The following KLHL31 variants were observed in gnomAD, a reference collection of about 807,000 sequenced individuals.
KLHL31 encodes kelch-like protein 31.
A neutral mutation model predicts 47.1 loss-of-function variants in KLHL31; 32 were observed. That is an observed-to-expected ratio of 0.68 (90% CI 0.51 to 0.91). The LOEUF is 0.91. Ranked by LOEUF, KLHL31 falls within the 40% of genes least tolerant of loss-of-function variation. KLHL31 has a pLI of 0.00. For missense variants in KLHL31, 797 were observed against 819.3 expected (o/e 0.97, Z 0.33); for synonymous variants, 330 against 325.1 (o/e 1.01, Z -0.16).
At chr6:53,653,337 T>C (rs1547657) in intron 2 of KLHL31, among the ~76,000 whole-genome samples, 1 of 152,182 alleles carries the variant, frequency 6.6e-6, no homozygotes, top group Non-Finnish European at 1.5e-5. Context: ...AATAATAAAG[T>C]ATATTTTTCA....
chr6:53,661,914 G>T (rs535663281), intron 1 of KLHL31, among the ~76,000 whole-genome samples: 5 of 152,208 alleles, frequency 3.3e-5, no homozygotes, highest in African/African-American at 1.2e-4. Context: ...CATTCTTTTT[G>T]ATTCAATTGA....
At chr6:53,655,593 TC>T (rs1370314998) in intron 1 of KLHL31, among the ~76,000 whole-genome samples, 1 of 133,040 alleles carries the variant, frequency 7.5e-6, no homozygotes, top group Non-Finnish European at 1.5e-5. Flanking sequence ...TTTCTTTCTT[TC>T]TTTTTTCTTT....
In KLHL31 at chr6:53,650,554, T is replaced by A. The variant is rs1400676089; in HGVS notation, c.*1044A>T. 1 of 152,190 alleles carries A rather than the reference T, an allele frequency of 6.6e-6. No homozygotes were observed. The highest frequency in any genetic ancestry group is 1.5e-5 in the Non-Finnish European group (1 of 68,026). The allele number at this position is 152,190 out of a possible 1,614,324, so 9.4% of individuals were successfully genotyped here. On this transcript the variant is annotated 3_prime_UTR_variant, in exon 3 of 3. Transcript: ENST00000370905. ...TACTACCAAATCTACAAATTCCAAA[T>A]GTTTCTATCATTCTTATCATATAAA...
chr6:53,663,206 GT>G (rs1401782868), intron 1 of KLHL31, among the ~76,000 whole-genome samples: 2 of 152,158 alleles, frequency 1.3e-5, no homozygotes, highest in Non-Finnish European at 2.9e-5. Context: ...GGTAAAAACT[GT>G]AGTAGGTTAA....
At chr6:53,659,009 C>G (rs1764610813) in intron 1 of KLHL31, among the ~76,000 whole-genome samples, 1 of 152,134 alleles carries the variant, frequency 6.6e-6, no homozygotes. Flanking sequence ...TAATGAGGAG[C>G]CTGTAACAGC....
rs1298198520 is a variant in KLHL31, at chr6:53,654,393, A to G, written c.880T>C (p.Tyr294His). The G allele has an allele frequency of 6.2e-7, 1 of 1,614,254 alleles. No individual in the cohort carries two copies. The highest frequency in any genetic ancestry group is 1.7e-5 in the Admixed American group (1 of 60,032). The change falls in exon 2 of 3, where the codon TAC becomes CAC. Residue 294 changes from tyrosine (Y) to histidine (H), a missense_variant. Transcript: ENST00000370905. ...TTTTGATGATATGGAAGCAAGTGGT[A>G]GTTCATAGCATCTACGAGAAGTCTG... is the stretch of plus-strand genomic sequence containing the variant. ...CHRLLVDAMN[Y>H]HLLPYHQNTL...
In KLHL31 at chr6:53,651,991, GC is replaced by G; in HGVS notation, c.1511del (p.Gly504AlafsTer8). 1 of 1,592,208 alleles carries G rather than the reference GC, an allele frequency of 6.3e-7. No homozygotes were observed. On this transcript the variant is annotated frameshift_variant, in exon 3 of 3. Coordinates refer to ENST00000370905, the MANE Select transcript of KLHL31 (RefSeq NM_001003760.5). LOFTEE classifies it high-confidence loss of function. ...QELPNLSTPR[G>X]WHCAVTLSDR... ...CGCTCAGCGTGACCGCGCAGTGCCA[GC>G]CCCGGGGTGTGCTGAGGTTCGGCAG...
chr6:53,658,716 G>T (rs1489032797), intron 1 of KLHL31, among the ~76,000 whole-genome samples: 2 of 152,080 alleles, frequency 1.3e-5, no homozygotes, highest in Non-Finnish European at 2.9e-5. Context: ...AATTAAATTA[G>T]AAATTAATAA....
In KLHL31 at chr6:53,655,290, T is replaced by A. The variant is rs2038939; in HGVS notation, c.-18A>T. ...GGTGCCATGTTGGCAAATACACTGT[T>A]ACAGGCAAGAGCTTGCTAAAAAGAG... On this transcript the variant is annotated 5_prime_UTR_variant, in exon 2 of 3. Coordinates refer to ENST00000370905, the MANE Select transcript of KLHL31 (RefSeq NM_001003760.5). 2.0e-6 allele frequency: 3 copies of A among 1,503,810 alleles called. No individual in the cohort carries two copies. Among genetic ancestry groups the A allele is most frequent in the Non-Finnish European group, 2.7e-6 (3 of 1,124,186 alleles). 93.2% of individuals were successfully genotyped at this position (1,503,810 alleles called of 1,614,324 possible). A position where few individuals can be genotyped will look rare whatever the true frequency, so the allele number is the denominator to read the frequency against.
At chr6:53,653,263 A>G (rs1008185331) in intron 2 of KLHL31, among the ~76,000 whole-genome samples, 5 of 152,228 alleles carry the variant, frequency 3.3e-5, no homozygotes, top group African/African-American at 1.2e-4. Context: ...ACTCAACTAT[A>G]GTTACAAATT....
At chr6:53,663,865 T>C (rs1482781499) in intron 1 of KLHL31, among the ~76,000 whole-genome samples, 1 of 152,200 alleles carries the variant, frequency 6.6e-6, no homozygotes, top group Non-Finnish European at 1.5e-5. Context: ...TTCATTCTGC[T>C]CTAACCACTT....
intron 1 of KLHL31, among the ~76,000 whole-genome samples, chr6:53,661,204 G>A (rs562712603): frequency 6.6e-6 from 1 of 152,192 alleles, no homozygotes; most frequent in Non-Finnish European, 1.5e-5. Context: ...GAGAACCGTA[G>A]TCTAGTAAGA....
At chr6:53,661,448 T>G (rs2478346) in intron 1 of KLHL31, among the ~76,000 whole-genome samples, 147,862 of 152,166 alleles carry the variant, frequency 0.97, 71,974 homozygotes, top group Middle Eastern at 1. Flanking sequence ...TGACCAACCA[T>G]GAGTTTTCCA....
In KLHL31 at chr6:53,651,920, TC is replaced by T; in HGVS notation, c.1582del (p.Glu528SerfsTer28). 1 of 1,589,444 alleles carries T rather than the reference TC, an allele frequency of 6.3e-7. No homozygotes were observed. Among genetic ancestry groups the T allele is most frequent in the South Asian group, 1.1e-5 (1 of 89,678 alleles). ...CTCCACGGTGAGCACGTCCACGCGC[TC>T]CCCGCGCGGCCCCAGCTGGCTGCCG... ...MGGSQLGPRG[E>X]RVDVLTVECY... is the part of the protein sequence containing the mutation. On this transcript the variant is annotated frameshift_variant, in exon 3 of 3. Coordinates refer to ENST00000370905, the MANE Select transcript of KLHL31 (RefSeq NM_001003760.5). LOFTEE classifies it high-confidence loss of function.
In KLHL31 at chr6:53,650,703, A is replaced by C. The variant is rs1027146410; in HGVS notation, c.*895T>G. ...TCTTCGCGGGGTGTACATTAGGGCC[A>C]AGGTTGCCTTTAACCAGGTTGGTGT... On this transcript the variant is annotated 3_prime_UTR_variant, in exon 3 of 3. Coordinates refer to ENST00000370905, the MANE Select transcript of KLHL31 (RefSeq NM_001003760.5). 6.6e-6 allele frequency: 1 copy of C among 152,220 alleles called. No homozygotes were observed. The highest frequency in any genetic ancestry group is 2.4e-5 in the African/African-American group (1 of 41,460). 9.4% of individuals were successfully genotyped at this position (152,220 alleles called of 1,614,324 possible).
At chr6:53,661,705 A>G (rs1182725209) in intron 1 of KLHL31, among the ~76,000 whole-genome samples, 1 of 152,198 alleles carries the variant, frequency 6.6e-6, no homozygotes. Flanking sequence ...TAGTCAGAGC[A>G]ATTCATACAG....
At chr6:53,655,601 CTTTTTTTCTTTTTTTT>C (rs1202675988) in intron 1 of KLHL31, among the ~76,000 whole-genome samples, 2 of 100,524 alleles carry the variant, frequency 2.0e-5, no homozygotes, top group South Asian at 4.0e-4. Flanking sequence ...TTTCTTTTTT[CTTTTTTTCTTTTTTTT>C]TTTTTTTGAG....
chr6:53,648,887 A>T lies in KLHL31; in HGVS notation c.*2711T>A, dbSNP rs1764429386. ...AAGAGAGCTTGAATTTTATTATTTC[A>T]GTTGCTGGGTAACATGCAATTTCCC... On this transcript the variant is annotated 3_prime_UTR_variant, in exon 3 of 3. Coordinates refer to ENST00000370905, the MANE Select transcript of KLHL31 (RefSeq NM_001003760.5). 1 of 152,188 alleles carries T rather than the reference A, an allele frequency of 6.6e-6. No homozygotes were observed. The highest frequency in any genetic ancestry group is 1.5e-5 in the Non-Finnish European group (1 of 68,012). 9.4% of individuals were successfully genotyped at this position (152,188 alleles called of 1,614,324 possible).
At position 53,648,184 on chromosome 6, in the gene KLHL31, T is replaced by C. The variant is rs148131411; in HGVS notation, c.*3414A>G. The C allele has an allele frequency of 2.6e-5, 4 of 152,644 alleles. No homozygotes were observed. The highest frequency in any genetic ancestry group is 5.9e-5 in the Non-Finnish European group (4 of 68,034). 9.5% of individuals were successfully genotyped at this position (152,644 alleles called of 1,614,324 possible). On this transcript the variant is annotated 3_prime_UTR_variant, in exon 3 of 3. Transcript: ENST00000370905. ...ATCTTTAATATTTTAGATTGTTTAA[T>C]TCTTATAATTACGAATAAAGGACTG...
Sources: gnomAD v4.1 joint callset for allele counts (sites outside exome capture counted in the v4.1 genomes callset) on GRCh38, gnomAD v4.1.1 for gene constraint, MANE v1.5 for transcripts, NCBI Gene and HGNC (gene_info 2026-07-23, HGNC 2026-07-21) for gene names.